RNF115: variants seen among roughly 807,000 people sequenced by gnomAD.
RNF115 encodes the protein ring finger protein 115.
In RNF115, 31 loss-of-function variants were observed where a neutral mutation model predicts 39.2. That is an observed-to-expected ratio of 0.79 (90% confidence interval 0.59 to 1.07). The LOEUF is 1.07. Among genes scored for constraint, RNF115 ranks in the 50% least tolerant of loss-of-function variants. The pLI is 0.00. For missense variants in RNF115, 384 were observed against 381.7 expected (o/e 1.01, Z -0.05); for synonymous variants, 124 against 131.0 (o/e 0.95, Z 0.37).
At chr1:145,770,299 T>C (rs1250398039) in intron 4 of RNF115, among the ~76,000 whole-genome samples, 3 of 152,128 alleles carry the variant, frequency 2.0e-5, no homozygotes, top group African/African-American at 4.8e-5. Flanking sequence ...CACTAATGGA[T>C]AGATATGTAA....
At chr1:145,759,920 GCT>G (rs1658437742) in intron 4 of RNF115, among the ~76,000 whole-genome samples, 1 of 152,210 alleles carries the variant, frequency 6.6e-6, no homozygotes, top group Admixed American at 6.5e-5. Flanking sequence ...TGCTGACTAT[GCT>G]CTTTTTGAAA....
In RNF115 at chr1:145,740,234, T is replaced by G. The variant is rs1302221803; in HGVS notation, c.*6632A>C. 1.3e-5 allele frequency: 2 copies of G among 152,224 alleles called. No individual in the cohort carries two copies. Among genetic ancestry groups the G allele is most frequent in the Non-Finnish European group, 2.9e-5 (2 of 68,044 alleles). The allele number at this position is 152,224 out of a possible 1,614,324, so 9.4% of individuals were successfully genotyped here. On this transcript the variant is annotated 3_prime_UTR_variant, in exon 9 of 9. Transcript: ENST00000582693. ...AGATATATCCAACTATAGGAAAAGT[T>G]TCAGCCATTGTACTATACTAATTAT... is the stretch of plus-strand genomic sequence containing the variant.
rs997018957 is a variant in RNF115 at position 145,771,745 on chromosome 1, T to G, written c.394A>C (p.Ser132Arg). Residue 132 changes from serine to arginine, a missense_variant, in exon 4 of 9, where the codon AGT becomes CGT. By Grantham distance (110) the Ser-to-Arg change is moderately radical (BLOSUM62 -1). Coordinates refer to ENST00000582693, the MANE Select transcript of RNF115 (RefSeq NM_014455.4). ...PLGRRYRSRG[S>R]SRPDRSPAIE... ...GCTGGAGATCTGTCAGGACGAGAACTTCCTCGAGATCTGTATCTCCGACCC... is the reference window on the plus strand; with the variant it reads ...GCTGGAGATCTGTCAGGACGAGAACGTCCTCGAGATCTGTATCTCCGACCC... 1 of 1,614,138 alleles carries G rather than the reference T, an allele frequency of 6.2e-7. No individual in the cohort carries two copies.
chr1:145,791,459 C>T (rs1553718961), intron 1 of RNF115, among the ~76,000 whole-genome samples: 1 of 151,258 alleles, frequency 6.6e-6, no homozygotes, highest in Non-Finnish European at 1.5e-5. Context: ...TTGGAGTGAG[C>T]CAAGATCACG....
intron 3 of RNF115, among the ~76,000 whole-genome samples, chr1:145,782,304 A>C (rs1648184533): frequency 6.6e-6 from 1 of 152,122 alleles, no homozygotes; most frequent in Non-Finnish European, 1.5e-5. Flanking sequence ...TATTTCTAGG[A>C]GAGTGCTATG....
Position 145,739,667 on chromosome 1 carries a change from C to A in RNF115, c.*7199G>T, listed in dbSNP as rs1469062027. ...TGATCTCAGCTCACTGCAACCTCCA[C>A]CTCCCGGGTTCAAGCAATTCTCCTG... On this transcript the variant is annotated 3_prime_UTR_variant, in exon 9 of 9. Coordinates refer to ENST00000582693, the MANE Select transcript of RNF115 (RefSeq NM_014455.4). 1 of 151,930 alleles carries A rather than the reference C, an allele frequency of 6.6e-6. No individual in the cohort carries two copies. The highest frequency in any genetic ancestry group is 1.9e-4 in the East Asian group (1 of 5,184). 9.4% of individuals were successfully genotyped at this position (151,930 alleles called of 1,614,324 possible). A position where few individuals can be genotyped will look rare whatever the true frequency, so the allele number is the denominator to read the frequency against.
chr1:145,800,187 A>G (rs1649165983), intron 1 of RNF115, among the ~76,000 whole-genome samples: 1 of 152,350 alleles, frequency 6.6e-6, no homozygotes, highest in Admixed American at 6.5e-5. Flanking sequence ...ATTTAAAATA[A>G]AAGTAGATCA....
chr1:145,784,745 A>T (rs1559119539), intron 2 of RNF115, 149 bp from the exon 3 acceptor site: 1 of 628,446 alleles, frequency 1.6e-6, no homozygotes, highest in East Asian at 2.8e-5. Flanking sequence ...AATTATGAAT[A>T]ACTGGCATGT....
chr1:145,787,937 C>CA (rs1185797788), intron 2 of RNF115, among the ~76,000 whole-genome samples: 1 of 151,678 alleles, frequency 6.6e-6, no homozygotes, highest in Admixed American at 6.6e-5. Flanking sequence ...TTCACATAAA[C>CA]AAAAAAGGAA....
chr1:145,769,095 T>A (rs929038704), intron 4 of RNF115, among the ~76,000 whole-genome samples: 11 of 152,346 alleles, frequency 7.2e-5, no homozygotes, highest in African/African-American at 2.6e-4. Flanking sequence ...TTTTGACTTA[T>A]ACTAAATAGT....
intron 3 of RNF115, among the ~76,000 whole-genome samples, chr1:145,777,098 T>G (rs1317828707): frequency 1.3e-5 from 2 of 152,196 alleles, no homozygotes; most frequent in African/African-American, 4.8e-5. Flanking sequence ...AGCAGACTCC[T>G]CCATGTTCTC....
intron 4 of RNF115, among the ~76,000 whole-genome samples, chr1:145,765,834 G>C (rs1209203608): frequency 6.6e-6 from 1 of 152,152 alleles, no homozygotes; most frequent in Non-Finnish European, 1.5e-5. Context: ...AGAGTTCCCT[G>C]TCTCTGTGTT....
intron 3 of RNF115, among the ~76,000 whole-genome samples, chr1:145,780,253 A>T (rs1648070305): frequency 6.6e-6 from 1 of 151,128 alleles, no homozygotes; most frequent in African/African-American, 2.4e-5. Flanking sequence ...AAAGAGCTTA[A>T]GGTTGTTATT....
Position 145,784,576 on chromosome 1 carries a change from C to A in RNF115, c.182G>T (p.Ser61Ile). 6.2e-7 allele frequency: 1 copy of A among 1,614,002 alleles called. No individual in the cohort carries two copies. Among genetic ancestry groups the A allele is most frequent in the Non-Finnish European group, 8.5e-7 (1 of 1,179,910 alleles). Residue 61 changes from serine to isoleucine, a missense_variant, in exon 3 of 9, where the codon AGT becomes ATT. Coordinates refer to ENST00000582693, the MANE Select transcript of RNF115 (RefSeq NM_014455.4). ...DDSSFLGGGG[S>I]RIDNTTTTHF... ...TGTTGTTGTGGTATTGTCTATCCGA[C>A]TGCCGCCACCACCTAAAAAACTAAA...
At chr1:145,764,793 GA>G (rs1186268050) in intron 4 of RNF115, among the ~76,000 whole-genome samples, 1 of 150,504 alleles carries the variant, frequency 6.6e-6, no homozygotes, top group Non-Finnish European at 1.5e-5. Flanking sequence ...CCCCATCCGG[GA>G]GGGAGATGGG....
intron 7 of RNF115, 54 bp downstream of exon 7, chr1:145,750,353 G>T: frequency 7.3e-7 from 1 of 1,374,410 alleles, no homozygotes; most frequent in South Asian, 1.2e-5. Context: ...AGAAGATACC[G>T]GGATTTTGAA....
chr1:145,802,098 T>C (rs1201375695), intron 1 of RNF115, among the ~76,000 whole-genome samples: 2 of 152,218 alleles, frequency 1.3e-5, no homozygotes, highest in African/African-American at 2.4e-5. Context: ...GAGTCATTTC[T>C]ATCATCCCAT....
chr1:145,822,135 T>C (rs1332674460), intron 1 of RNF115, among the ~76,000 whole-genome samples: 2 of 152,032 alleles, frequency 1.3e-5, no homozygotes, highest in African/African-American at 2.4e-5. Flanking sequence ...GAGACCAGCC[T>C]GGCCAACATG....
chr1:145,793,654 T>C (rs973270286), intron 1 of RNF115, among the ~76,000 whole-genome samples: 8 of 151,510 alleles, frequency 5.3e-5, no homozygotes, highest in African/African-American at 1.9e-4. Flanking sequence ...CCTCGAGAGG[T>C]GGCATATCAG....
Sources: allele counts gnomAD v4.1 joint callset (sites outside exome capture counted in the v4.1 genomes callset), GRCh38; gene constraint gnomAD v4.1.1; transcripts MANE v1.5; gene names NCBI Gene and HGNC (gene_info 2026-07-23, HGNC 2026-07-21).